Variants in DCLK2 observed in about 807,000 individuals in gnomAD.
DCLK2 encodes serine/threonine-protein kinase DCLK2.
DCLK2 carries 31 observed loss-of-function variants against 78.4 expected under a neutral mutation model. The ratio of observed to expected loss-of-function variants is 0.40; its 90% CI spans 0.30 to 0.53. DCLK2 has a LOEUF of 0.53. Ranked by LOEUF, DCLK2 falls within the 20% of genes least tolerant of loss-of-function variation. The pLI, the probability that DCLK2 is intolerant of heterozygous loss-of-function variation, is 0.61. For missense variants in DCLK2, 872 were observed against 973.7 expected (o/e 0.90, Z 1.39); for synonymous variants, 407 against 374.9 (o/e 1.09, Z -0.99).
At chr4:150,185,713 CA>C (rs10706869) in intron 2 of DCLK2, among the ~76,000 whole-genome samples, 117,172 of 141,292 alleles carry the variant, frequency 0.83, 49,130 homozygotes, top group Non-Finnish European at 0.91. Flanking sequence ...GATTTCATCT[CA>C]AAAAAAAAAA....
chr4:150,249,881 G>A (rs531511557), intron 15 of DCLK2, among the ~76,000 whole-genome samples, 197 bp downstream of exon 15: 275 of 152,260 alleles, frequency 1.8e-3, no homozygotes, highest in South Asian at 3.5e-3. Flanking sequence ...GCTTGTGTAG[G>A]GACCAGCAGG....
chr4:150,120,042 A>G (rs1194917822), intron 2 of DCLK2, among the ~76,000 whole-genome samples: 2 of 152,194 alleles, frequency 1.3e-5, no homozygotes, highest in Admixed American at 1.3e-4. Context: ...GCTGATAGCA[A>G]TTTGTACCAG....
At chr4:150,087,426 TAAC>T (rs1729725140) in intron 1 of DCLK2, among the ~76,000 whole-genome samples, 1 of 152,228 alleles carries the variant, frequency 6.6e-6, no homozygotes, top group South Asian at 2.1e-4. Context: ...ATTACTTTGT[TAAC>T]TTTTGAAATA....
At chr4:150,243,182 C>T (rs1031684833) in intron 12 of DCLK2, among the ~76,000 whole-genome samples, 9 of 152,102 alleles carry the variant, frequency 5.9e-5, no homozygotes, top group Non-Finnish European at 1.0e-4. Flanking sequence ...TGATACTGAA[C>T]GGGGAGCAGC....
intron 15 of DCLK2, among the ~76,000 whole-genome samples, chr4:150,252,788 C>T (rs940473825): frequency 5.3e-5 from 8 of 152,178 alleles, no homozygotes; most frequent in East Asian, 1.9e-4. Flanking sequence ...TGTCATTTTG[C>T]GCATGTTGGC....
chr4:150,248,433 C>A, intron 14 of DCLK2, 48 bp downstream of exon 14: 1 of 1,477,438 alleles, frequency 6.8e-7, no homozygotes, highest in Non-Finnish European at 9.5e-7. Context: ...GCTCTGTGGC[C>A]AACAGCACGG....
intron 2 of DCLK2, among the ~76,000 whole-genome samples, chr4:150,104,391 T>C: frequency 2.2e-4 from 2 of 9,074 alleles, no homozygotes; most frequent in Non-Finnish European, 2.0e-4. Context: ...AGACCACATC[T>C]CCTAAAAAAA....
intron 2 of DCLK2, among the ~76,000 whole-genome samples, chr4:150,187,584 A>C (rs1738045547): frequency 1.3e-5 from 2 of 152,190 alleles, no homozygotes; most frequent in Non-Finnish European, 2.9e-5. Flanking sequence ...GTTGTGACAT[A>C]AATTTACCTG....
At chr4:150,216,875 A>G (rs1432014597) in intron 5 of DCLK2, among the ~76,000 whole-genome samples, 1 of 152,086 alleles carries the variant, frequency 6.6e-6, no homozygotes, top group Non-Finnish European at 1.5e-5. Context: ...TGTTAAATAC[A>G]ATGCTGTCTT....
intron 2 of DCLK2, among the ~76,000 whole-genome samples, chr4:150,190,213 AGATAGATG>A (rs70937322): frequency 1.5e-5 from 2 of 132,844 alleles, no homozygotes; most frequent in African/African-American, 2.7e-5. Context: ...AGATATAGAT[AGATAGATG>A]GATAGATGGA....
rs200749140 is a variant in DCLK2, at chr4:150,256,594, AGAAACACTTTG to A, written c.*361_*371del. The A allele has an allele frequency of 0.017, 4,308 of 257,088 alleles. 72 individuals carry two copies. The highest frequency in any genetic ancestry group is 0.034 in the Middle Eastern group (29 of 850). 15.9% of individuals were successfully genotyped at this position (257,088 alleles called of 1,614,324 possible). On this transcript the variant is annotated 3_prime_UTR_variant, in exon 16 of 16. Transcript: ENST00000296550. ...ATTCCAGCATTCGATGCATTTTTATAGAAACACTTTGGAAACACTTTGGATGAACCAAGGCC... is the reference window on the plus strand; with the variant it reads ...ATTCCAGCATTCGATGCATTTTTATAGAAACACTTTGGATGAACCAAGGCC...
intron 15 of DCLK2, among the ~76,000 whole-genome samples, chr4:150,252,461 C>T (rs1415876372): frequency 6.6e-6 from 1 of 152,228 alleles, no homozygotes; most frequent in African/African-American, 2.4e-5. Flanking sequence ...GCTGGGGTCA[C>T]TTTTTGACTC....
chr4:150,121,186 G>T (rs572283747), intron 2 of DCLK2, among the ~76,000 whole-genome samples: 2 of 152,346 alleles, frequency 1.3e-5, no homozygotes, highest in African/African-American at 4.8e-5. Flanking sequence ...TGCTGAAGGT[G>T]GGGGTGGCTA....
At chr4:150,191,313 A>G (rs1264320207) in intron 2 of DCLK2, among the ~76,000 whole-genome samples, 1 of 151,974 alleles carries the variant, frequency 6.6e-6, no homozygotes, top group Non-Finnish European at 1.5e-5. Context: ...GTGATCACCC[A>G]GTCATACCTG....
At chr4:150,110,659 T>C (rs1271896093) in intron 2 of DCLK2, among the ~76,000 whole-genome samples, 1 of 152,154 alleles carries the variant, frequency 6.6e-6, no homozygotes, top group Non-Finnish European at 1.5e-5. Flanking sequence ...TCTGAGTCTC[T>C]AAAGTCCTTT....
chr4:150,240,687 C>G (rs891738634), intron 12 of DCLK2, among the ~76,000 whole-genome samples: 3 of 140,700 alleles, frequency 2.1e-5, no homozygotes, highest in Non-Finnish European at 4.5e-5. Flanking sequence ...CAGCATGGCA[C>G]ATGTATACAT....
chr4:150,177,167 G>A (rs1213140840), intron 2 of DCLK2, among the ~76,000 whole-genome samples: 1 of 151,782 alleles, frequency 6.6e-6, no homozygotes, highest in Non-Finnish European at 1.5e-5. Context: ...TCCTTCCTTT[G>A]CTTTGTTTTT....
Position 150,102,493 on chromosome 4 carries a change from G to A in DCLK2, c.437G>A (p.Cys146Tyr). Residue 146 changes from cysteine to tyrosine, a missense_variant, in exon 2 of 16, where the codon TGT becomes TAT. Transcript: ENST00000296550. ...TGCTTTTTAGGTGAGAGTTACGTGT[G>A]TGCATCCAATGAACCATTTCGTAAA... Reference protein sequence around the residue: ...DELLEGESYVCASNEPFRKVD... With the variant: ...DELLEGESYVYASNEPFRKVD... 6.2e-7 allele frequency: 1 copy of A among 1,613,144 alleles called. No individual in the cohort carries two copies. The highest frequency in any genetic ancestry group is 1.3e-5 in the African/African-American group (1 of 74,988).
At chr4:150,190,947 A>G (rs1392020307) in intron 2 of DCLK2, among the ~76,000 whole-genome samples, 2 of 152,078 alleles carry the variant, frequency 1.3e-5, no homozygotes, top group African/African-American at 4.8e-5. Context: ...CTACCTACCT[A>G]CCTATCTACA....
Sources: allele counts gnomAD v4.1 joint callset (sites outside exome capture counted in the v4.1 genomes callset), GRCh38; gene constraint gnomAD v4.1.1; transcripts MANE v1.5; gene names NCBI Gene and HGNC (gene_info 2026-07-23, HGNC 2026-07-21).